The following DLC1 variants were observed in gnomAD, a reference collection of about 807,000 sequenced individuals.
DLC1 encodes DLC1 Rho GTPase activating protein.
DLC1 carries 54 observed loss-of-function variants against 140.3 expected under a neutral mutation model. The observed-to-expected ratio is 0.38, with a 90% confidence interval of 0.31 to 0.48. The LOEUF (loss-of-function observed/expected upper bound fraction) is 0.48. Among genes scored for constraint, DLC1 ranks in the 20% least tolerant of loss-of-function variants. DLC1 has a pLI of 0.96. For synonymous variants in DLC1, 986 were observed against 728.1 expected (o/e 1.35, Z -5.70); for missense variants, 2,536 against 1,907.0 (o/e 1.33, Z -6.14).
At chr8:13,550,992 G>A (rs182320289) in intron 1 of DLC1, among the ~76,000 whole-genome samples, 1 of 150,046 alleles carries the variant, frequency 6.7e-6, no homozygotes, top group East Asian at 2.0e-4. Flanking sequence ...CTCTACCAAT[G>A]TGTATTTTAC....
In DLC1 at chr8:13,499,727, G is replaced by C. The variant is rs1017587776; in HGVS notation, c.345C>G (p.Asn115Lys). 1 of 1,614,136 alleles carries C rather than the reference G, an allele frequency of 6.2e-7. No individual in the cohort carries two copies. The highest frequency in any genetic ancestry group is 8.5e-7 in the Non-Finnish European group (1 of 1,180,004). The change falls in exon 2 of 18, where the codon AAC (asparagine) becomes AAG (lysine). Residue 115 changes from asparagine to lysine, a missense_variant. Transcript: ENST00000276297. ...CATCTGTAAGGCATAAATCAGCATTGTTATCCTCATCAGAAACATGCACTA... is the reference window on the plus strand; with the variant it reads ...CATCTGTAAGGCATAAATCAGCATTCTTATCCTCATCAGAAACATGCACTA... ...ETLVHVSDED[N>K]NADLCLTDDK...
intron 5 of DLC1, among the ~76,000 whole-genome samples, chr8:13,152,635 CAATAAT>C (rs3065360): frequency 4.6e-5 from 7 of 150,736 alleles, no homozygotes; most frequent in African/African-American, 7.3e-5. Flanking sequence ...CCACCTCTAC[CAATAAT>C]AATAATAATA....
At chr8:13,335,203 G>A (rs1407125544) in intron 4 of DLC1, among the ~76,000 whole-genome samples, 1 of 152,194 alleles carries the variant, frequency 6.6e-6, no homozygotes, top group Non-Finnish European at 1.5e-5. Context: ...CTTGGGGTCT[G>A]CCACAATTTA....
At chr8:13,177,600 G>A (rs556184673) in intron 5 of DLC1, among the ~76,000 whole-genome samples, 24 of 152,280 alleles carry the variant, frequency 1.6e-4, no homozygotes, top group Admixed American at 5.2e-4. Flanking sequence ...CCACTCTATC[G>A]AGTGGAATTT....
intron 1 of DLC1, among the ~76,000 whole-genome samples, chr8:13,574,666 C>G (rs1457709689): frequency 6.6e-6 from 1 of 151,994 alleles, no homozygotes; most frequent in African/African-American, 2.4e-5. Context: ...GGTTTATCAT[C>G]AAATAGACTA....
intron 1 of DLC1, among the ~76,000 whole-genome samples, chr8:13,540,295 C>A (rs905742355): frequency 6.6e-6 from 1 of 152,150 alleles, no homozygotes; most frequent in Non-Finnish European, 1.5e-5. Context: ...GCATTTCACT[C>A]CAACTTTAGT....
At chr8:13,550,165 G>A (rs1241439561) in intron 1 of DLC1, among the ~76,000 whole-genome samples, 2 of 152,124 alleles carry the variant, frequency 1.3e-5, no homozygotes, top group African/African-American at 4.8e-5. Context: ...AACCTGAGGG[G>A]AGGTGATTGG....
chr8:13,324,229 A>G (rs1252766859), intron 4 of DLC1, among the ~76,000 whole-genome samples: 1 of 152,190 alleles, frequency 6.6e-6, no homozygotes, highest in Non-Finnish European at 1.5e-5. Context: ...GGTTTTTAGT[A>G]GTTTATATTA....
intron 5 of DLC1, among the ~76,000 whole-genome samples, chr8:13,208,900 C>A (rs1188306): frequency 0.31 from 46,463 of 151,942 alleles, 10,316 homozygotes; most frequent in African/African-American, 0.62. Flanking sequence ...CCTAACATCT[C>A]TTATTTGCAG....
At chr8:13,143,148 A>G (rs1585755900) in intron 5 of DLC1, among the ~76,000 whole-genome samples, 1 of 152,276 alleles carries the variant, frequency 6.6e-6, no homozygotes, top group South Asian at 2.1e-4. Context: ...AGATATCTGT[A>G]TCCATCAGTT....
chr8:13,330,335 T>C (rs1368859748), intron 4 of DLC1, among the ~76,000 whole-genome samples: 2 of 152,196 alleles, frequency 1.3e-5, no homozygotes, highest in Non-Finnish European at 2.9e-5. Context: ...CAGCACAACC[T>C]GGCAGAGGTG....
At chr8:13,481,812 T>TAG (rs1337110470) in intron 2 of DLC1, among the ~76,000 whole-genome samples, 1 of 152,146 alleles carries the variant, frequency 6.6e-6, no homozygotes, top group Non-Finnish European at 1.5e-5. Context: ...GAGGTCATAT[T>TAG]AGAGATGGAC....
chr8:13,098,529 G>C lies in DLC1; in HGVS notation c.3037C>G (p.Leu1013Val), dbSNP rs138719404. ...TTAATCTGTAGTGATACAGAGTTGA[G>C]GCTTGGCCGATGTGAGCTCTGGAAA... The part of the protein sequence containing the change: ...HSFQSSHRPS[L>V]NSVSLQINCQ... Residue 1013 changes from leucine to valine, a missense_variant, in exon 10 of 18, where the codon CTC (leucine) becomes GTC (valine). Coordinates refer to ENST00000276297, the MANE Select transcript of DLC1 (RefSeq NM_182643.3). 1.1e-5 allele frequency: 18 copies of C among 1,614,128 alleles called. No individual in the cohort carries two copies. The African/African-American group carries it at 2.4e-4, about 22-fold the overall frequency.
At chr8:13,171,141 C>T (rs1825449095) in intron 5 of DLC1, among the ~76,000 whole-genome samples, 3 of 152,110 alleles carry the variant, frequency 2.0e-5, no homozygotes, top group Admixed American at 2.0e-4. Context: ...GGGAATACCT[C>T]CTCCCCTCTA....
intron 1 of DLC1, among the ~76,000 whole-genome samples, chr8:13,519,962 G>A (rs765620590): frequency 3.3e-5 from 5 of 152,138 alleles, no homozygotes; most frequent in South Asian, 4.1e-4. Flanking sequence ...ACATTAAAAC[G>A]TCAGGAAACA....
At chr8:13,204,949 G>C (rs1563162956) in intron 5 of DLC1, among the ~76,000 whole-genome samples, 1 of 152,266 alleles carries the variant, frequency 6.6e-6, no homozygotes, top group East Asian at 1.9e-4. Context: ...CATCATAACT[G>C]TAACTATGAC....
At chr8:13,330,388 T>C (rs942832034) in intron 4 of DLC1, among the ~76,000 whole-genome samples, 6 of 152,246 alleles carry the variant, frequency 3.9e-5, no homozygotes, top group African/African-American at 1.2e-4. Context: ...GATTTTTACA[T>C]ATTCAATGGA....
chr8:13,188,913 A>C (rs1448215251), intron 5 of DLC1, among the ~76,000 whole-genome samples: 1 of 129,876 alleles, frequency 7.7e-6, no homozygotes, highest in Non-Finnish European at 1.6e-5. Flanking sequence ...CTGGTCTTGA[A>C]CTCCTGACCT....
rs553915417 is a variant in DLC1 at position 13,163,287 on chromosome 8, TTTGA to T, written c.1349-47634_1349-47631del. Among the ~76,000 whole-genome samples, 12 of 152,294 alleles carry T rather than the reference TTTGA, an allele frequency of 7.9e-5. No homozygotes were observed. In the South Asian group the frequency reaches 2.3e-3, roughly 29 times the overall value. On this transcript the variant is annotated intron_variant, in intron 5 of 17. Transcript: ENST00000276297. ...TTTACCTGCACTCAGTACTGGATTG[TTTGA>T]TTGGTAAATTGCATGCTCAGCTGAT... is the stretch of plus-strand genomic sequence containing the variant.
Sources: gnomAD v4.1 joint callset for allele counts (sites outside exome capture counted in the v4.1 genomes callset) on GRCh38, gnomAD v4.1.1 for gene constraint, MANE v1.5 for transcripts, NCBI Gene and HGNC (gene_info 2026-07-23, HGNC 2026-07-21) for gene names.